Variants in CPQ observed in about 807,000 individuals in gnomAD.
CPQ encodes the protein carboxypeptidase Q.
Under a neutral mutation model 45.7 loss-of-function variants are expected in CPQ, and 37 were observed. The ratio of observed to expected loss-of-function variants is 0.81; its 90% CI spans 0.62 to 1.07. CPQ has a LOEUF of 1.07. Ranked by LOEUF, CPQ falls within the 50% of genes least tolerant of loss-of-function variation. The pLI, the probability that CPQ is intolerant of heterozygous loss-of-function variation, is 0.00. For missense variants in CPQ, 537 were observed against 572.9 expected (o/e 0.94, Z 0.64); for synonymous variants, 186 against 205.8 (o/e 0.90, Z 0.82).
chr8:96,795,325 G>A (rs1189583662), intron 2 of CPQ, among the ~76,000 whole-genome samples: 1 of 152,078 alleles, frequency 6.6e-6, no homozygotes, highest in East Asian at 1.9e-4. Context: ...ATGAGATCTT[G>A]TGAGACTTTT....
In CPQ at chr8:97,036,853, C is replaced by A. The variant is rs553777174; in HGVS notation, c.1053+7359C>A. The stretch of plus-strand genomic sequence containing the variant: ...TATTCTGGCATGAAAAATATTTTAA[C>A]CTTTTCCTGATTTATTGCACAAACT... On this transcript the variant is annotated intron_variant, in intron 6 of 7. Transcript: ENST00000220763. 1.1e-4 allele frequency among the ~76,000 whole-genome samples: 16 copies of A among 152,246 alleles called. No homozygotes were observed. The South Asian group carries it at 3.3e-3, about 32-fold the overall frequency.
chr8:96,658,920 T>C (rs1473508764), intron 1 of CPQ, among the ~76,000 whole-genome samples: 1 of 152,252 alleles, frequency 6.6e-6, no homozygotes, highest in Non-Finnish European at 1.5e-5. Context: ...ATGCATACAG[T>C]GTCAGACTTC....
At chr8:96,661,203 A>G (rs1216421229) in intron 1 of CPQ, among the ~76,000 whole-genome samples, 2 of 152,230 alleles carry the variant, frequency 1.3e-5, no homozygotes, top group African/African-American at 4.8e-5. Context: ...TTTTTTTAAA[A>G]AAGACTTTAC....
At chr8:96,983,227 G>C (rs576817818) in intron 5 of CPQ, among the ~76,000 whole-genome samples, 11 of 152,122 alleles carry the variant, frequency 7.2e-5, no homozygotes, top group African/African-American at 2.4e-4. Flanking sequence ...TTATCCTTTT[G>C]TTTATTTCTT....
intron 4 of CPQ, among the ~76,000 whole-genome samples, chr8:96,910,920 A>G (rs1812651573): frequency 6.6e-6 from 1 of 151,928 alleles, no homozygotes; most frequent in South Asian, 2.1e-4. Context: ...GGTTTTTAAG[A>G]CTTTCCATAT....
chr8:96,956,999 C>T (rs139740844), intron 4 of CPQ, among the ~76,000 whole-genome samples: 307 of 152,326 alleles, frequency 2.0e-3, no homozygotes, highest in Non-Finnish European at 3.5e-3. Context: ...CTGCAGCTTG[C>T]GCTGATTTTT....
chr8:97,076,297 T>C (rs1270295262), intron 7 of CPQ, among the ~76,000 whole-genome samples: 1 of 152,218 alleles, frequency 6.6e-6, no homozygotes, highest in Non-Finnish European at 1.5e-5. Flanking sequence ...GTGCTGGGAT[T>C]ACAGTCATGA....
At chr8:97,041,352 T>A (rs1198037064) in intron 6 of CPQ, among the ~76,000 whole-genome samples, 4 of 152,198 alleles carry the variant, frequency 2.6e-5, no homozygotes, top group African/African-American at 7.2e-5. Context: ...GAGACTTTGC[T>A]GAAGTTGCTT....
intron 3 of CPQ, among the ~76,000 whole-genome samples, chr8:96,875,694 A>G (rs976572612): frequency 6.6e-6 from 1 of 151,900 alleles, no homozygotes; most frequent in Non-Finnish European, 1.5e-5. Context: ...CTTGGTTACT[A>G]TAGTTTTATG....
intron 1 of CPQ, among the ~76,000 whole-genome samples, chr8:96,781,238 A>G (rs1810681830): frequency 6.6e-6 from 1 of 152,218 alleles, no homozygotes; most frequent in South Asian, 2.1e-4. Flanking sequence ...TTGTGCTGCT[A>G]TAACGGAATA....
chr8:96,942,885 C>T (rs1210978113), intron 4 of CPQ, among the ~76,000 whole-genome samples: 1 of 152,172 alleles, frequency 6.6e-6, no homozygotes, highest in East Asian at 1.9e-4. Flanking sequence ...TTCCCTTTGG[C>T]TCCTTGCCTT....
intron 4 of CPQ, among the ~76,000 whole-genome samples, chr8:96,928,599 GT>G (rs1189858847): frequency 6.6e-6 from 1 of 152,080 alleles, no homozygotes; most frequent in African/African-American, 2.4e-5. Flanking sequence ...CAGTTAAGCA[GT>G]TTACCTCTGT....
intron 1 of CPQ, among the ~76,000 whole-genome samples, chr8:96,682,082 T>G (rs951371075): frequency 6.6e-6 from 1 of 152,158 alleles, no homozygotes; most frequent in South Asian, 2.1e-4. Flanking sequence ...TTTGGGTAAA[T>G]GCTGAAATGA....
chr8:96,794,097 C>T (rs908379597), intron 2 of CPQ, among the ~76,000 whole-genome samples: 4 of 152,184 alleles, frequency 2.6e-5, no homozygotes, highest in African/African-American at 7.2e-5. Context: ...AGCTCCACTA[C>T]GTGGTGCCAC....
chr8:96,906,320 T>A (rs1812576594), intron 4 of CPQ, among the ~76,000 whole-genome samples: 1 of 152,150 alleles, frequency 6.6e-6, no homozygotes, highest in Admixed American at 6.5e-5. Flanking sequence ...AAAAGTATTT[T>A]AAAAAATAAA....
At chr8:96,658,910 A>G (rs933844776) in intron 1 of CPQ, among the ~76,000 whole-genome samples, 9 of 152,244 alleles carry the variant, frequency 5.9e-5, no homozygotes, top group Non-Finnish European at 2.9e-5. Flanking sequence ...CTTTTACGTG[A>G]TGCATACAGT....
intron 4 of CPQ, among the ~76,000 whole-genome samples, chr8:96,901,037 C>T (rs781755141): frequency 6.6e-6 from 1 of 152,062 alleles, no homozygotes; most frequent in African/African-American, 2.4e-5. Context: ...ATTCCTTGAG[C>T]GCAGGACTCT....
At chr8:96,854,555 A>ACC (rs1586427390) in intron 3 of CPQ, among the ~76,000 whole-genome samples, 1 of 56,424 alleles carries the variant, frequency 1.8e-5, no homozygotes, top group African/African-American at 5.7e-5. Context: ...AAAAAAAAAA[A>ACC]AAAATGTGGT....
intron 4 of CPQ, among the ~76,000 whole-genome samples, chr8:96,890,074 A>G (rs754447772): frequency 3.3e-5 from 5 of 152,238 alleles, no homozygotes; most frequent in Non-Finnish European, 7.3e-5. Context: ...AATAAAGACA[A>G]TAATTATGCC....
Sources: gnomAD v4.1 joint callset for allele counts (sites outside exome capture counted in the v4.1 genomes callset) on GRCh38, gnomAD v4.1.1 for gene constraint, MANE v1.5 for transcripts, NCBI Gene and HGNC (gene_info 2026-07-23, HGNC 2026-07-21) for gene names.